The following ARHGEF16 variants were observed in gnomAD, a reference collection of about 807,000 sequenced individuals.
ARHGEF16 encodes Rho guanine nucleotide exchange factor 16, also known as Rho guanine exchange factor (GEF) 16.
A neutral mutation model predicts 74.1 loss-of-function variants in ARHGEF16; 59 were observed. That is an observed-to-expected ratio of 0.80 (90% confidence interval 0.65 to 0.99). The LOEUF is 0.99. Among genes scored for constraint, ARHGEF16 ranks in the 50% least tolerant of loss-of-function variants. The pLI is 0.00. For synonymous variants in ARHGEF16, 415 were observed against 412.6 expected (o/e 1.01, Z -0.07); for missense variants, 948 against 986.6 (o/e 0.96, Z 0.52).
At position 3,475,951 on chromosome 1, in the gene ARHGEF16, C is replaced by G; in HGVS notation, c.1381-19C>G. The G allele has an allele frequency of 1.3e-6, 2 of 1,546,718 alleles. No homozygotes were observed. The highest frequency in any genetic ancestry group is 8.7e-7 in the Non-Finnish European group (1 of 1,144,962). On this transcript the variant is annotated intron_variant, in intron 9 of 14. Coordinates refer to ENST00000378378, the MANE Select transcript of ARHGEF16 (RefSeq NM_014448.4). ...GGCCCTGTAGCACCAGCCTCTCACA[C>G]GGGAACCATGCCCTGCAGCTGGTGA...
intron 1 of ARHGEF16, among the ~76,000 whole-genome samples, chr1:3,460,328 G>A (rs1344551213): frequency 1.3e-5 from 2 of 152,234 alleles, no homozygotes; most frequent in African/African-American, 4.8e-5. Flanking sequence ...CCGTCTCAGA[G>A]GACGTGGTCA....
chr1:3,480,114 G>A (rs547865155), intron 14 of ARHGEF16, among the ~76,000 whole-genome samples: 15 of 152,200 alleles, frequency 9.9e-5, no homozygotes, highest in Non-Finnish European at 1.5e-4. Context: ...TGTGTCCCAC[G>A]TGGGGAGGAG....
At position 3,463,379 on chromosome 1, in the gene ARHGEF16, G is replaced by T; in HGVS notation, c.295G>T (p.Ala99Ser). ...TAAGAGCCTGGCTGTGGCCAGCAAG[G>T]CAAAGACCCCAGCCCGCCACCAGAG... is the stretch of plus-strand genomic sequence containing the variant. ...IPKSLAVASK[A>S]KTPARHQSFG... The change falls in exon 2 of 15, where the codon GCA becomes TCA. Residue 99 changes from alanine (A) to serine (S), a missense_variant. Ala to Ser is a moderately conservative substitution (Grantham distance 99, BLOSUM62 1). Transcript: ENST00000378378. 4 of 1,550,248 alleles carry T rather than the reference G, an allele frequency of 2.6e-6. No homozygotes were observed. Among genetic ancestry groups the T allele is most frequent in the Non-Finnish European group, 2.6e-6 (3 of 1,146,912 alleles).
Position 3,468,970 on chromosome 1 carries a change from A to T in ARHGEF16, c.861+34A>T, listed in dbSNP as rs551473595. 2.6e-5 allele frequency: 40 copies of T among 1,548,598 alleles called. No individual in the cohort carries two copies. In the African/African-American group the frequency reaches 5.1e-4, roughly 20 times the overall value. On this transcript the variant is annotated intron_variant, in intron 5 of 14. Transcript: ENST00000378378. The stretch of plus-strand genomic sequence containing the variant: ...GCCCTGGGCGGGAGGGCTGTCCCCC[A>T]TGGCCTGGGCCATGCAACACCCGGG...
At chr1:3,461,392 TTGCTCTTATCA>T (rs2100733781) in intron 1 of ARHGEF16, among the ~76,000 whole-genome samples, 1 of 152,352 alleles carries the variant, frequency 6.6e-6, no homozygotes, top group South Asian at 2.1e-4. Flanking sequence ...GAGGTGGGCC[TTGCTCTTATCA>T]TGCCCATTTT....
At position 3,473,201 on chromosome 1, in the gene ARHGEF16, C is replaced by G. The variant is rs772070794; in HGVS notation, c.1146C>G (p.Val382=). The part of the protein sequence containing the change: ...HPYIAYCSNE[V]YQQRTLQKLI... ...ACATCGCCTACTGCTCCAACGAGGT[C>G]TACCAACAGCGCACGCTGCAGAAGC... Residue 382 remains valine, a synonymous_variant, in exon 7 of 15, where the codon GTC becomes GTG. Coordinates refer to ENST00000378378, the MANE Select transcript of ARHGEF16 (RefSeq NM_014448.4). 13 of 1,613,206 alleles carry G rather than the reference C, an allele frequency of 8.1e-6. No homozygotes were observed. In the Admixed American group the frequency reaches 1.5e-4, roughly 19 times the overall value.
At chr1:3,469,125 G>A (rs1283517802) in intron 5 of ARHGEF16, among the ~76,000 whole-genome samples, 189 bp downstream of exon 5, 1 of 152,148 alleles carries the variant, frequency 6.6e-6, no homozygotes, top group Non-Finnish European at 1.5e-5. Context: ...GGCCCTGACG[G>A]AGCCCCTTCA....
chr1:3,470,390 TTGTG>T (rs1177481769), intron 6 of ARHGEF16, among the ~76,000 whole-genome samples: 1 of 112,866 alleles, frequency 8.9e-6, no homozygotes, highest in African/African-American at 3.4e-5. Context: ...GTGCATGGGT[TTGTG>T]TGCCTGGGCA....
intron 11 of ARHGEF16, 159 bp from the exon 12 acceptor site, chr1:3,478,265 G>A (rs1639950141): frequency 3.1e-6 from 3 of 958,852 alleles, no homozygotes; most frequent in Middle Eastern, 5.7e-4. Context: ...GGACTCGAAA[G>A]CCATGGCCTC....
intron 8 of ARHGEF16, 69 bp from the exon 9 acceptor site, chr1:3,474,639 C>T (rs1321482748): frequency 4.8e-6 from 7 of 1,461,996 alleles, no homozygotes; most frequent in African/African-American, 2.8e-5. Context: ...CGGGGTCTGG[C>T]GTTGGTGGGA....
chr1:3,462,237 G>A (rs1639416003), intron 1 of ARHGEF16, among the ~76,000 whole-genome samples: 1 of 152,292 alleles, frequency 6.6e-6, no homozygotes, highest in Non-Finnish European at 1.5e-5. Flanking sequence ...GTGGCCAGGT[G>A]TCATACTGGA....
At position 3,473,247 on chromosome 1, in the gene ARHGEF16, G is replaced by A. The variant is rs376916154; in HGVS notation, c.1175+17G>A. The A allele has an allele frequency of 3.9e-5, 63 of 1,611,052 alleles. No individual in the cohort carries two copies. The highest frequency in any genetic ancestry group is 8.0e-5 in the African/African-American group (6 of 75,048). Reference sequence around the variant, plus strand: ...GAAGCTGATGTGAGTGGGCGGCCCCGAGGCCCGCAGGGTGGCTCAGGAGCA... The same window carrying A: ...GAAGCTGATGTGAGTGGGCGGCCCCAAGGCCCGCAGGGTGGCTCAGGAGCA... On this transcript the variant is annotated intron_variant, in intron 7 of 14. Transcript: ENST00000378378.
At chr1:3,465,056 C>T (rs1319870681) in intron 2 of ARHGEF16, among the ~76,000 whole-genome samples, 1 of 152,252 alleles carries the variant, frequency 6.6e-6, no homozygotes, top group East Asian at 1.9e-4. Context: ...AGCACCTCTG[C>T]CGCAGGCCCC....
intron 1 of ARHGEF16, among the ~76,000 whole-genome samples, chr1:3,461,935 AG>A (rs1639406943): frequency 1.3e-5 from 2 of 152,192 alleles, no homozygotes; most frequent in South Asian, 2.1e-4. Context: ...GCCATTCCCA[AG>A]GGGCAGAAGG....
At chr1:3,478,289 G>A (rs1291078180) in intron 11 of ARHGEF16, 135 bp from the exon 12 acceptor site, 22 of 1,048,696 alleles carry the variant, frequency 2.1e-5, no homozygotes, top group East Asian at 7.3e-5. Flanking sequence ...TCTGTGGGAC[G>A]CGGGAACTCT....
rs1174178147 is a variant in ARHGEF16, at chr1:3,454,748, G to T, written c.-83G>T. ...GCGAAGCGGCTGCAGGACAGGACAG[G>T]ACCCGGCGCTGGAAGCTGCACCGCC... On this transcript the variant is annotated 5_prime_UTR_variant, in exon 1 of 15. Coordinates refer to ENST00000378378, the MANE Select transcript of ARHGEF16 (RefSeq NM_014448.4). The T allele has an allele frequency of 6.6e-6, 1 of 152,340 alleles. No homozygotes were observed. The highest frequency in any genetic ancestry group is 1.5e-5 in the Non-Finnish European group (1 of 68,196). The allele number at this position is 152,340 out of a possible 1,614,324, so 9.4% of individuals were successfully genotyped here. A position where few individuals can be genotyped will look rare whatever the true frequency, so the allele number is the denominator to read the frequency against.
In ARHGEF16 at chr1:3,474,714, T is replaced by C; in HGVS notation, c.1312T>C (p.Cys438Arg). Residue 438 changes from cysteine (C) to arginine (R), a missense_variant, in exon 9 of 15, where the codon TGC becomes CGC. Cys to Arg is a radical substitution (Grantham distance 180, BLOSUM62 -3). Transcript: ENST00000378378. The stretch of plus-strand genomic sequence containing the variant: ...ATGTCTGTTGTCCATCCAGACGCTC[T>C]GCCTCAAGACCCAGGGCCACTCCGA... ...TRLPLLMDTL[C>R]LKTQGHSERY... 6.2e-7 allele frequency: 1 copy of C among 1,612,854 alleles called. No homozygotes were observed. The highest frequency in any genetic ancestry group is 8.5e-7 in the Non-Finnish European group (1 of 1,179,948).
intron 8 of ARHGEF16, 99 bp downstream of exon 8, chr1:3,473,621 C>T (rs755288793): frequency 5.3e-5 from 83 of 1,555,854 alleles, no homozygotes; most frequent in Non-Finnish European, 6.6e-5. Context: ...GTGACCTTCT[C>T]CTCCAGGCTT....
Position 3,463,314 on chromosome 1 carries a change from G to A in ARHGEF16, c.230G>A (p.Ser77Asn). 2 of 1,550,218 alleles carry A rather than the reference G, an allele frequency of 1.3e-6. No individual in the cohort carries two copies. Among genetic ancestry groups the A allele is most frequent in the South Asian group, 1.2e-5 (1 of 84,062 alleles). ...TGGCCCATCGTCCTGAGCACAGAGA[G>A]CCCGGCGGCCCTCAAGCTGGGCACC... ...EPWPIVLSTE[S>N]PAALKLGTQQ... is the part of the protein sequence containing the mutation. Residue 77 changes from serine (S) to asparagine (N), a missense_variant, in exon 2 of 15, where the codon AGC becomes AAC. Coordinates refer to ENST00000378378, the MANE Select transcript of ARHGEF16 (RefSeq NM_014448.4).
Sources: allele counts gnomAD v4.1 joint callset (sites outside exome capture counted in the v4.1 genomes callset), GRCh38; gene constraint gnomAD v4.1.1; transcripts MANE v1.5; gene names NCBI Gene and HGNC (gene_info 2026-07-23, HGNC 2026-07-21).